AMBRA1: variants seen among roughly 807,000 people sequenced by gnomAD.
AMBRA1 encodes the protein autophagy and beclin 1 regulator 1, also known as activating molecule in BECN1-regulated autophagy protein 1.
Under a neutral mutation model 125.4 loss-of-function variants are expected in AMBRA1, and 47 were observed. That is an observed-to-expected ratio of 0.37 (90% CI 0.30 to 0.48). The LOEUF is 0.48. AMBRA1 is among the 20% of genes least tolerant of loss of function. The pLI is 0.99. For missense variants in AMBRA1, 1,331 were observed against 1,693.4 expected, an observed-to-expected ratio of 0.79 and a Z score of 3.76; for synonymous variants, 626 against 655.5, an observed-to-expected ratio of 0.95 and a Z score of 0.69.
rs139261712 is a variant in AMBRA1 at position 46,443,557 on chromosome 11, T to C, written c.2563A>G (p.Ile855Val). 3.1e-6 allele frequency: 5 copies of C among 1,614,080 alleles called. No individual in the cohort carries two copies. The African/African-American group carries it at 4.0e-5, about 13-fold the overall frequency. ...TGGAGCCGGTAGGTAGTATTGGCAATGTTACTGGCCACAGCAGACTGTCCA... is the reference window on the plus strand; with the variant it reads ...TGGAGCCGGTAGGTAGTATTGGCAACGTTACTGGCCACAGCAGACTGTCCA... The part of the protein sequence containing the change: ...GDGQSAVASN[I>V]ANTTYRLQWW... The change falls in exon 12 of 18, where the codon ATT becomes GTT. Residue 855 changes from isoleucine to valine, a missense_variant. By Grantham distance (29) the Ile-to-Val change is conservative (BLOSUM62 3). Coordinates refer to ENST00000683756, the MANE Select transcript of AMBRA1 (RefSeq NM_001387011.1).
chr11:46,524,972 C>A (rs1951905326), intron 7 of AMBRA1, among the ~76,000 whole-genome samples: 1 of 152,210 alleles, frequency 6.6e-6, no homozygotes, highest in Non-Finnish European at 1.5e-5. Flanking sequence ...ATACTGAGTG[C>A]CTTCTGTTAG....
chr11:46,566,718 A>G (rs1175744103), intron 1 of AMBRA1, among the ~76,000 whole-genome samples: 1 of 152,204 alleles, frequency 6.6e-6, no homozygotes, highest in African/African-American at 2.4e-5. Flanking sequence ...TAAGAAAAGC[A>G]TGACAGTGAA....
chr11:46,479,671 T>A (rs939176550), intron 11 of AMBRA1, among the ~76,000 whole-genome samples: 12 of 152,224 alleles, frequency 7.9e-5, no homozygotes, highest in African/African-American at 2.9e-4. Context: ...CACTCCAGCC[T>A]GGGCGACAGA....
At chr11:46,535,027 A>C (rs1362259129) in intron 7 of AMBRA1, among the ~76,000 whole-genome samples, 2 of 152,078 alleles carry the variant, frequency 1.3e-5, no homozygotes, top group African/African-American at 4.8e-5. Flanking sequence ...CCCTTCCCTT[A>C]CATCTCTTAA....
At chr11:46,548,003 A>G in intron 2 of AMBRA1, 128 bp from the exon 3 acceptor site, 1 of 1,237,896 alleles carries the variant, frequency 8.1e-7, no homozygotes, top group Non-Finnish European at 1.1e-6. Flanking sequence ...GGAGACAATG[A>G]TCAAGCTACA....
intron 1 of AMBRA1, among the ~76,000 whole-genome samples, chr11:46,576,962 T>C (rs1340918189): frequency 6.6e-6 from 1 of 152,174 alleles, no homozygotes; most frequent in Non-Finnish European, 1.5e-5. Context: ...AACTCAGTTC[T>C]TCATACAGGA....
chr11:46,536,927 A>G (rs1045446887), intron 7 of AMBRA1, among the ~76,000 whole-genome samples: 2 of 152,230 alleles, frequency 1.3e-5, no homozygotes, highest in Non-Finnish European at 2.9e-5. Context: ...GAAGACGCTC[A>G]GTCTTACTAA....
chr11:46,516,285 A>G (rs1951477551), intron 7 of AMBRA1, among the ~76,000 whole-genome samples: 1 of 151,978 alleles, frequency 6.6e-6, no homozygotes, highest in Non-Finnish European at 1.5e-5. Context: ...TCAGTTCTTC[A>G]TAGTTACAAT....
At chr11:46,565,705 C>CA (rs990221759) in intron 1 of AMBRA1, among the ~76,000 whole-genome samples, 15 of 148,910 alleles carry the variant, frequency 1.0e-4, no homozygotes, top group Admixed American at 2.7e-4. Context: ...GATCATGTCT[C>CA]AAAAAAAAAC....
chr11:46,434,182 T>TA (rs1172873247), intron 13 of AMBRA1, among the ~76,000 whole-genome samples: 12 of 151,818 alleles, frequency 7.9e-5, no homozygotes, highest in Admixed American at 2.0e-4. Context: ...ATCAACATTT[T>TA]AAAAAATTGT....
chr11:46,591,312 T>C (rs777843359), intron 1 of AMBRA1: 1 of 152,226 alleles, frequency 6.6e-6, no homozygotes, highest in Non-Finnish European at 1.5e-5. Context: ...TAGCTTAACT[T>C]CCCAATCTAG....
At chr11:46,537,250 T>G (rs998326145) in intron 7 of AMBRA1, among the ~76,000 whole-genome samples, 2 of 152,196 alleles carry the variant, frequency 1.3e-5, no homozygotes, top group African/African-American at 4.8e-5. Flanking sequence ...ATGACCTACA[T>G]GAGCAACAGA....
At chr11:46,409,400 A>G (rs938457979) in intron 16 of AMBRA1, among the ~76,000 whole-genome samples, 6 of 152,068 alleles carry the variant, frequency 3.9e-5, no homozygotes, top group Admixed American at 2.6e-4. Context: ...GGGTTTCACC[A>G]TGTTGGCCAG....
intron 7 of AMBRA1, among the ~76,000 whole-genome samples, chr11:46,530,173 G>A (rs1444138871): frequency 1.3e-5 from 2 of 150,272 alleles, no homozygotes; most frequent in African/African-American, 2.5e-5. Context: ...TACTCCCAAC[G>A]TATTTGCAGC....
intron 11 of AMBRA1, among the ~76,000 whole-genome samples, chr11:46,483,778 T>C (rs1393047058): frequency 2.0e-5 from 3 of 152,142 alleles, no homozygotes; most frequent in African/African-American, 7.2e-5. Context: ...TGTACGCCTA[T>C]AGTCCCAGCT....
chr11:46,514,912 T>C (rs1027500271), intron 7 of AMBRA1, among the ~76,000 whole-genome samples: 3 of 152,152 alleles, frequency 2.0e-5, no homozygotes, highest in African/African-American at 7.2e-5. Flanking sequence ...AAATCAAAAT[T>C]TTGAGAAGAG....
intron 9 of AMBRA1, among the ~76,000 whole-genome samples, chr11:46,504,301 C>A (rs1423427048): frequency 6.6e-6 from 1 of 152,200 alleles, no homozygotes; most frequent in African/African-American, 2.4e-5. Context: ...CTTTTGTAGG[C>A]CTTAGCAACT....
intron 11 of AMBRA1, among the ~76,000 whole-genome samples, chr11:46,483,098 T>C (rs1950137290): frequency 6.6e-6 from 1 of 151,842 alleles, no homozygotes; most frequent in African/African-American, 2.4e-5. Context: ...CTCAAGACAG[T>C]AGAAGTGATG....
At chr11:46,482,777 G>A (rs758504676) in intron 11 of AMBRA1, among the ~76,000 whole-genome samples, 3 of 152,026 alleles carry the variant, frequency 2.0e-5, no homozygotes, top group Non-Finnish European at 4.4e-5. Flanking sequence ...TTGGGGTGCC[G>A]AGGCAGGCAG....
Sources: gnomAD v4.1 joint callset for allele counts (sites outside exome capture counted in the v4.1 genomes callset) on GRCh38, gnomAD v4.1.1 for gene constraint, MANE v1.5 for transcripts, NCBI Gene and HGNC (gene_info 2026-07-23, HGNC 2026-07-21) for gene names.